Variants in CTCF observed in about 807,000 individuals in gnomAD.
CTCF encodes the protein CCCTC-binding factor.
Under a neutral mutation model 72.3 loss-of-function variants are expected in CTCF, and 7 were observed. That is an observed-to-expected ratio of 0.10 (90% CI 0.06 to 0.18). The LOEUF (loss-of-function observed/expected upper bound fraction) is 0.18, where lower values mean the gene tolerates loss of function less well. Ranked by LOEUF, CTCF falls within the 10% of genes least tolerant of loss-of-function variation. The probability of loss-of-function intolerance (pLI) is 1.00; values close to 1 mark genes in which losing one functional copy is unlikely to be tolerated. For missense variants in CTCF, 516 were observed against 949.1 expected (o/e 0.54, Z 6.00); for synonymous variants, 374 against 315.8 (o/e 1.18, Z -1.95).
rs144045400 is a variant in CTCF at position 67,597,288 on chromosome 16, G to T, written c.-9-13536G>T. On this transcript the variant is annotated intron_variant, in intron 2 of 11. Transcript: ENST00000264010. ...TGGGCTCAAGCGATCTGCTGGCCTT[G>T]GCCTCTCAGTGTTTGAATTACAGGC... Among the ~76,000 whole-genome samples the T allele has an allele frequency of 1.4e-4, 22 of 152,004 alleles. 1 individual carries two copies. In the East Asian group the frequency reaches 4.1e-3, roughly 28 times the overall value.
chr16:67,575,058 A>G (rs1431114752), intron 2 of CTCF, among the ~76,000 whole-genome samples: 1 of 152,034 alleles, frequency 6.6e-6, no homozygotes, highest in Admixed American at 6.6e-5. Flanking sequence ...TTTTTTCCAT[A>G]TGTCCTTGTG....
At chr16:67,582,597 G>C (rs1290948409) in intron 2 of CTCF, among the ~76,000 whole-genome samples, 5 of 151,832 alleles carry the variant, frequency 3.3e-5, no homozygotes, top group Non-Finnish European at 7.4e-5. Flanking sequence ...GGAGGCTCAG[G>C]CACAAGAATC....
intron 3 of CTCF, 88 bp from the exon 4 acceptor site, chr16:67,611,863 A>G (rs1011279043): frequency 9.8e-6 from 12 of 1,221,494 alleles, no homozygotes; most frequent in Non-Finnish European, 1.4e-5. Flanking sequence ...TTAAAAGCTA[A>G]TCAAATATAT....
At chr16:67,567,657 C>A (rs1440296043) in intron 1 of CTCF, among the ~76,000 whole-genome samples, 1 of 151,938 alleles carries the variant, frequency 6.6e-6, no homozygotes, top group Non-Finnish European at 1.5e-5. Context: ...GTGGCATGAT[C>A]ATAGCTCACT....
intron 1 of CTCF, chr16:67,568,234 C>G (rs540690627): frequency 6.6e-6 from 1 of 151,876 alleles, no homozygotes; most frequent in Non-Finnish European, 1.5e-5. Flanking sequence ...TGCCTGCCAC[C>G]GTGCCGAGCT....
intron 2 of CTCF, among the ~76,000 whole-genome samples, chr16:67,586,802 G>C (rs2051674771): frequency 6.6e-6 from 1 of 151,680 alleles, no homozygotes; most frequent in Non-Finnish European, 1.5e-5. Context: ...TGTTGTTTTG[G>C]GTTTTTTTTG....
Position 67,626,673 on chromosome 16 carries a change from G to C in CTCF, c.1476G>C (p.Glu492Asp). Residue 492 changes from glutamate to aspartate, a missense_variant, in exon 8 of 12, where the codon GAG becomes GAC. By Grantham distance (45) the Glu-to-Asp change is conservative. This residue lies in a region of CTCF where 81 missense variants were observed against 184.3 expected (regional missense o/e 0.44). Coordinates refer to ENST00000264010, the MANE Select transcript of CTCF (RefSeq NM_006565.4). ...AGCATCAGAAGTCACACAAGAATGAGAAGCGCTTTAAGTGTGACCAGTGTG... is the reference window on the plus strand; with the variant it reads ...AGCATCAGAAGTCACACAAGAATGACAAGCGCTTTAAGTGTGACCAGTGTG... Reference protein sequence around the residue: ...LIQHQKSHKNEKRFKCDQCDY... With the variant: ...LIQHQKSHKNDKRFKCDQCDY... The C allele has an allele frequency of 1.3e-6, 2 of 1,558,846 alleles. No homozygotes were observed. The highest frequency in any genetic ancestry group is 1.7e-6 in the Non-Finnish European group (2 of 1,151,086).
intron 2 of CTCF, among the ~76,000 whole-genome samples, chr16:67,577,041 T>G (rs1388150397): frequency 6.6e-6 from 1 of 152,126 alleles, no homozygotes; most frequent in Non-Finnish European, 1.5e-5. Flanking sequence ...TCTTTAAGCT[T>G]TCTCCTGTTG....
At chr16:67,590,320 A>G (rs2051724028) in intron 2 of CTCF, among the ~76,000 whole-genome samples, 1 of 152,036 alleles carries the variant, frequency 6.6e-6, no homozygotes, top group Non-Finnish European at 1.5e-5. Flanking sequence ...TTCTTCAAGT[A>G]GCTGTTAGAA....
chr16:67,569,830 C>T (rs928516187), intron 1 of CTCF, among the ~76,000 whole-genome samples: 4 of 151,734 alleles, frequency 2.6e-5, no homozygotes, highest in African/African-American at 9.7e-5. Flanking sequence ...GGATTACAGG[C>T]GTGTGCCACC....
At chr16:67,624,720 C>G (rs2052260061) in intron 7 of CTCF, among the ~76,000 whole-genome samples, 1 of 151,882 alleles carries the variant, frequency 6.6e-6, no homozygotes, top group Admixed American at 6.6e-5. Context: ...TCCCTGGTAG[C>G]TAGGACCACA....
At chr16:67,637,588 C>A in intron 11 of CTCF, 100 bp from the exon 12 acceptor site, 1 of 926,728 alleles carries the variant, frequency 1.1e-6, no homozygotes, top group Non-Finnish European at 1.7e-6. Context: ...ATAAGGCTGT[C>A]CTGCATTGCT....
intron 2 of CTCF, among the ~76,000 whole-genome samples, chr16:67,574,594 G>A (rs1189494217): frequency 4.6e-5 from 7 of 150,946 alleles, no homozygotes; most frequent in Admixed American, 1.3e-4. Context: ...CACCCAGTTC[G>A]GCCTCCCAAA....
chr16:67,611,065 T>C lies in CTCF; in HGVS notation c.233T>C (p.Met78Thr), dbSNP rs1346046980. The C allele has an allele frequency of 1.2e-6, 2 of 1,614,130 alleles. No homozygotes were observed. The highest frequency in any genetic ancestry group is 1.7e-6 in the Non-Finnish European group (2 of 1,180,024). Residue 78 changes from methionine to threonine, a missense_variant, in exon 3 of 12, where the codon ATG becomes ACG. By Grantham distance (81) the Met-to-Thr change is moderately conservative (BLOSUM62 -1). Transcript: ENST00000264010. ...PTLLQMKTEV[M>T]EGTVAPEAEA... ...CTTCTTCAGATGAAGACTGAAGTAA[T>C]GGAGGGCACAGTGGCTCCAGAAGCA...
At position 67,616,791 on chromosome 16, in the gene CTCF, C is replaced by G. The variant is rs1242999394; in HGVS notation, c.999C>G (p.Thr333=). ...KCPDCDMAFV[T]SGELVRHRRY... is the part of the protein sequence containing the mutation. Reference sequence around the variant, plus strand: ...CAGACTGCGACATGGCCTTTGTGACCAGTGGAGAATTGGTTCGGCATCGTC... The same window carrying G: ...CAGACTGCGACATGGCCTTTGTGACGAGTGGAGAATTGGTTCGGCATCGTC... Residue 333 remains threonine (T), a synonymous_variant, in exon 5 of 12, where the codon ACC becomes ACG. Coordinates refer to ENST00000264010, the MANE Select transcript of CTCF (RefSeq NM_006565.4). The G allele has an allele frequency of 1.2e-6, 2 of 1,614,130 alleles. No homozygotes were observed. Among genetic ancestry groups the G allele is most frequent in the Admixed American group, 1.7e-5 (1 of 59,996 alleles).
intron 2 of CTCF, among the ~76,000 whole-genome samples, chr16:67,605,557 G>GT (rs1014262709): frequency 2.6e-5 from 4 of 152,128 alleles, no homozygotes; most frequent in African/African-American, 7.2e-5. Flanking sequence ...CTTGAGCCTT[G>GT]TTTTTTTCCA....
intron 10 of CTCF, among the ~76,000 whole-genome samples, 185 bp from the exon 11 acceptor site, chr16:67,636,505 G>A (rs181275000): frequency 2.1e-3 from 306 of 146,912 alleles, no homozygotes; most frequent in Non-Finnish European, 3.5e-3. Context: ...CCGAGATCGC[G>A]CCACTGCACT....
At chr16:67,569,172 T>C (rs1391984122) in intron 1 of CTCF, among the ~76,000 whole-genome samples, 1 of 151,436 alleles carries the variant, frequency 6.6e-6, no homozygotes, top group Non-Finnish European at 1.5e-5. Flanking sequence ...TTTAGCTCTT[T>C]ATTTCATTTG....
intron 8 of CTCF, chr16:67,627,466 G>A (rs971955734): frequency 1.3e-5 from 2 of 152,126 alleles, no homozygotes; most frequent in Non-Finnish European, 2.9e-5. Context: ...GCTCCAGCCT[G>A]GGTGGCAGAG....
Sources: allele counts gnomAD v4.1 joint callset (sites outside exome capture counted in the v4.1 genomes callset), GRCh38; gene constraint gnomAD v4.1.1; regional missense constraint gnomAD v4.1.1; transcripts MANE v1.5; gene names NCBI Gene and HGNC (gene_info 2026-07-23, HGNC 2026-07-21).